Variants in PLAC1 observed in about 807,000 individuals in gnomAD.
The protein encoded by PLAC1 is placenta-specific protein 1.
For synonymous variants in PLAC1, 68 were observed against 62.1 expected (o/e 1.09, Z -0.44); for missense variants, 136 against 163.2 (o/e 0.83, Z 0.91).
chrX:134,647,367 C>T (rs2078338838), intron 1 of PLAC1, among the ~76,000 whole-genome samples: 1 of 109,626 alleles, frequency 9.1e-6, no homozygotes, highest in Non-Finnish European at 1.9e-5. Flanking sequence ...CTGTGTTGAA[C>T]TGAGGGAATG....
chrX:134,677,884 G>A (rs186823585), intron 2 of PLAC1, among the ~76,000 whole-genome samples: 4 of 111,655 alleles, frequency 3.6e-5, no homozygotes, highest in Non-Finnish European at 5.6e-5. Flanking sequence ...GATAACAGTG[G>A]CTAAGACTGA....
At chrX:134,574,467 T>A (rs2077927170) in intron 2 of PLAC1, among the ~76,000 whole-genome samples, 1 of 111,784 alleles carries the variant, frequency 8.9e-6, no homozygotes, top group Non-Finnish European at 1.9e-5. Context: ...CAGTAGAGCC[T>A]TTCTATAATA....
At chrX:134,621,578 T>C (rs2078211378) in intron 1 of PLAC1, among the ~76,000 whole-genome samples, 2 of 110,923 alleles carry the variant, frequency 1.8e-5, no homozygotes, top group African/African-American at 6.6e-5. Flanking sequence ...GAATCCTCAA[T>C]GACTGAACTG....
intron 2 of PLAC1, among the ~76,000 whole-genome samples, chrX:134,706,341 T>C (rs192668800): frequency 4.3e-4 from 48 of 112,070 alleles, no homozygotes; most frequent in African/African-American, 1.5e-3. Flanking sequence ...GTAATAAATC[T>C]CCTTTCTCCA....
At chrX:134,617,816 G>A (rs1456969127) in intron 1 of PLAC1, among the ~76,000 whole-genome samples, 3 of 111,956 alleles carry the variant, frequency 2.7e-5, no homozygotes, top group Admixed American at 1.9e-4. Context: ...ATTCAAAAAC[G>A]AATACCCAAT....
At chrX:134,680,545 GAACTAAACTAAACTAAACTA>G (rs560733130) in intron 2 of PLAC1, among the ~76,000 whole-genome samples, 45 of 49,705 alleles carry the variant, frequency 9.1e-4, no homozygotes, top group African/African-American at 2.3e-3. Context: ...AAACTAAACT[GAACTAAACTAAACTAAACTA>G]AACTAAACTA....
At chrX:134,605,252 A>G (rs2078116913) in intron 1 of PLAC1, among the ~76,000 whole-genome samples, 1 of 111,463 alleles carries the variant, frequency 9.0e-6, no homozygotes, top group Non-Finnish European at 1.9e-5. Flanking sequence ...CCTGTGACAA[A>G]GACAGCATTT....
chrX:134,571,678 A>G (rs1310087969), intron 2 of PLAC1, among the ~76,000 whole-genome samples: 1 of 112,026 alleles, frequency 8.9e-6, no homozygotes, highest in East Asian at 2.8e-4. Context: ...AAAAAGAGAC[A>G]AAAGCTGAAG....
chrX:134,742,060 C>A (rs1468021621), intron 1 of PLAC1, among the ~76,000 whole-genome samples: 2 of 112,244 alleles, frequency 1.8e-5, no homozygotes, highest in African/African-American at 6.5e-5. Flanking sequence ...TGGGGAAGAG[C>A]CTTTTTCCAC....
chrX:134,683,821 T>C (rs1350978841), intron 2 of PLAC1, among the ~76,000 whole-genome samples: 1 of 112,316 alleles, frequency 8.9e-6, no homozygotes, highest in Non-Finnish European at 1.9e-5. Context: ...CAACCTCACT[T>C]TGTGCCAACA....
chrX:134,723,333 G>A (rs768095974), intron 2 of PLAC1, among the ~76,000 whole-genome samples: 66 of 102,699 alleles, frequency 6.4e-4, no homozygotes, highest in Middle Eastern at 4.9e-3. Flanking sequence ...TTTGAGACAA[G>A]GTCTCACTCT....
At chrX:134,697,343 T>C (rs370903107) in intron 2 of PLAC1, among the ~76,000 whole-genome samples, 8 of 111,267 alleles carry the variant, frequency 7.2e-5, no homozygotes, top group African/African-American at 2.6e-4. Context: ...ATAAAAAGAA[T>C]GTATGGTCAT....
At chrX:134,715,733 A>G (rs1407292033) in intron 2 of PLAC1, among the ~76,000 whole-genome samples, 1 of 112,169 alleles carries the variant, frequency 8.9e-6, no homozygotes, top group African/African-American at 3.2e-5. Flanking sequence ...AGAAGAATTA[A>G]GCTAGAGGCT....
intron 2 of PLAC1, among the ~76,000 whole-genome samples, chrX:134,578,131 C>T (rs1387347114): frequency 3.6e-5 from 4 of 110,521 alleles, no homozygotes; most frequent in Non-Finnish European, 7.6e-5. Flanking sequence ...GAAAACAAAC[C>T]AGCTGGGCGC....
chrX:134,738,599 C>T lies in PLAC1; in HGVS notation n.90-5080G>A, dbSNP rs144730577. ...CCCTCTCTGGGAAGTACAAACTGTC[C>T]GGGTGACCAGACAGCTCATGGAGCA... On this transcript the variant is annotated intron_variant and non_coding_transcript_variant, in intron 1 of 2. Transcript: ENST00000466797. Among the ~76,000 whole-genome samples the T allele has an allele frequency of 4.1e-3, 459 of 112,133 alleles. 2 individuals carry two copies. The highest frequency in any genetic ancestry group is 5.3e-3 in the Non-Finnish European group (282 of 53,218).
At chrX:134,739,372 T>A (rs1280417008) in intron 1 of PLAC1, among the ~76,000 whole-genome samples, 1 of 112,449 alleles carries the variant, frequency 8.9e-6, no homozygotes, top group Non-Finnish European at 1.9e-5. Flanking sequence ...AACAGACACT[T>A]CTTGAAATGC....
chrX:134,663,665 C>T (rs778210730), intron 2 of PLAC1, among the ~76,000 whole-genome samples: 6 of 112,515 alleles, frequency 5.3e-5, no homozygotes, highest in Non-Finnish European at 1.1e-4. Context: ...AGTTCTAACC[C>T]TCTTCATTTG....
At chrX:134,749,153 C>CA (rs1395571938) in intron 1 of PLAC1, among the ~76,000 whole-genome samples, 1 of 111,527 alleles carries the variant, frequency 9.0e-6, no homozygotes, top group Non-Finnish European at 1.9e-5. Context: ...CCTGTCTCTA[C>CA]AAAAAATACA....
intron 2 of PLAC1, among the ~76,000 whole-genome samples, chrX:134,590,019 A>AC (rs1347540365): frequency 6.8e-4 from 51 of 74,768 alleles, no homozygotes; most frequent in African/African-American, 2.2e-3. Flanking sequence ...CATGGTGAAA[A>AC]CCCATCTGTA....
Sources: gnomAD v4.1 joint callset for allele counts (sites outside exome capture counted in the v4.1 genomes callset) on GRCh38, gnomAD v4.1.1 for gene constraint, MANE v1.5 for transcripts, NCBI Gene and HGNC (gene_info 2026-07-23, HGNC 2026-07-21) for gene names.